Variants in LRRC8B observed in about 807,000 individuals in gnomAD.
The protein encoded by LRRC8B is leucine rich repeat containing 8 VRAC subunit B.
In LRRC8B, 23 loss-of-function variants were observed where a neutral mutation model predicts 58.8. The observed-to-expected ratio is 0.39, with a 90% confidence interval of 0.28 to 0.55. The LOEUF is 0.55. LRRC8B is among the 20% of genes least tolerant of loss of function. LRRC8B has a pLI of 0.62. For synonymous variants in LRRC8B, 359 were observed against 374.1 expected, an observed-to-expected ratio of 0.96 and a Z score of 0.47; for missense variants, 694 against 936.0, an observed-to-expected ratio of 0.74 and a Z score of 3.37.
intron 5 of LRRC8B, among the ~76,000 whole-genome samples, chr1:89,590,987 A>G (rs1023564829): frequency 6.6e-6 from 1 of 152,182 alleles, no homozygotes; most frequent in Non-Finnish European, 1.5e-5. Context: ...GCTGCTAAAC[A>G]TCCTACACTG....
chr1:89,535,948 G>A (rs1296924438), intron 1 of LRRC8B, among the ~76,000 whole-genome samples: 1 of 152,106 alleles, frequency 6.6e-6, no homozygotes, highest in East Asian at 1.9e-4. Context: ...ACAGTTTGGA[G>A]TTGGGCCTGG....
At position 89,565,255 on chromosome 1, in the gene LRRC8B, A is replaced by G. The variant is rs894237530; in HGVS notation, c.-240-2992A>G. 3.9e-5 allele frequency among the ~76,000 whole-genome samples: 6 copies of G among 152,300 alleles called. No individual in the cohort carries two copies. In the South Asian group the frequency reaches 6.2e-4, roughly 16 times the overall value. On this transcript the variant is annotated intron_variant, in intron 1 of 5. Coordinates refer to ENST00000330947, the MANE Select transcript of LRRC8B (RefSeq NM_001369817.2). The stretch of plus-strand genomic sequence containing the variant: ...TTGGTACCAGTATAGTTCTTGTTGC[A>G]TTATACTAAGGTTAACTTGTGGAAA...
rs200476384 is a variant in LRRC8B at position 89,583,056 on chromosome 1, A to G, written c.406A>G (p.Ser136Gly). ...GCACACGCTCATCTTTGCAGCCTGC[A>G]GCAACTTTTGGCTTCACTACCCCAG... ...LLHTLIFAAC[S>G]NFWLHYPSTS... The change falls in exon 5 of 6, where the codon AGC becomes GGC. Residue 136 changes from serine (S) to glycine (G), a missense_variant. Physicochemically the swap from Ser to Gly is moderately conservative, Grantham distance 56 (BLOSUM62 0). Transcript: ENST00000330947. This position sits in a 1 kb window ranked among gnomAD's most constrained non-coding sequence, Gnocchi z 5.2. 6.8e-6 allele frequency: 11 copies of G among 1,614,054 alleles called. No individual in the cohort carries two copies. Among genetic ancestry groups the G allele is most frequent in the South Asian group, 2.2e-5 (2 of 91,086 alleles).
chr1:89,533,033 C>T (rs962729534), intron 1 of LRRC8B, among the ~76,000 whole-genome samples: 14 of 152,152 alleles, frequency 9.2e-5, no homozygotes, highest in African/African-American at 3.4e-4. Context: ...CTATCAGTGC[C>T]CTTCCTCTAC....
At position 89,583,036 on chromosome 1, in the gene LRRC8B, C is replaced by T. The variant is rs756518618; in HGVS notation, c.386C>T (p.Thr129Met). Residue 129 changes from threonine (T) to methionine (M), a missense_variant, in exon 5 of 6, where the codon ACG becomes ATG. Physicochemically the swap from Thr to Met is moderately conservative, Grantham distance 81. Transcript: ENST00000330947. The surrounding 1 kb of genome is among the most constrained non-coding windows in gnomAD (Gnocchi z 5.2). ...KFFPYLVLLH[T>M]LIFAACSNFW... ...TTCCCCTATCTGGTGCTCTTGCACA[C>T]GCTCATCTTTGCAGCCTGCAGCAAC... 3.7e-6 allele frequency: 6 copies of T among 1,614,182 alleles called. No individual in the cohort carries two copies. The highest frequency in any genetic ancestry group is 1.1e-5 in the South Asian group (1 of 91,072).
At chr1:89,539,251 A>G (rs1650771162) in intron 1 of LRRC8B, among the ~76,000 whole-genome samples, 2 of 151,704 alleles carry the variant, frequency 1.3e-5, no homozygotes, top group African/African-American at 2.4e-5. Context: ...TTTCCCCCAT[A>G]TTGCCCTCTC....
In LRRC8B at chr1:89,597,644, G is replaced by T. The variant is rs1010609974; in HGVS notation, c.*4601G>T. The T allele has an allele frequency of 4.6e-5, 7 of 152,080 alleles. No individual in the cohort carries two copies. The highest frequency in any genetic ancestry group is 1.7e-4 in the African/African-American group (7 of 41,410). The allele number at this position is 152,080 out of a possible 1,614,324, so 9.4% of individuals were successfully genotyped here. On this transcript the variant is annotated 3_prime_UTR_variant, in exon 6 of 6. Coordinates refer to ENST00000330947, the MANE Select transcript of LRRC8B (RefSeq NM_001369817.2). Reference sequence around the variant, plus strand: ...TTCACATATTTATCTGTGTACAATTGTTTTTGCTTCTGGTAATGAATTATT... The same window carrying T: ...TTCACATATTTATCTGTGTACAATTTTTTTTGCTTCTGGTAATGAATTATT...
intron 1 of LRRC8B, among the ~76,000 whole-genome samples, chr1:89,559,899 A>C (rs1377276641): frequency 1.3e-5 from 2 of 152,166 alleles, no homozygotes; most frequent in Non-Finnish European, 2.9e-5. Context: ...TCCTTTTCTA[A>C]GGAAACCTAC....
chr1:89,590,376 G>A (rs942847645), intron 5 of LRRC8B, among the ~76,000 whole-genome samples: 2 of 152,180 alleles, frequency 1.3e-5, no homozygotes, highest in Admixed American at 6.5e-5. Context: ...AACTCCCCAG[G>A]CTCCTTTAGA....
chr1:89,595,721 G>A lies in LRRC8B; in HGVS notation c.*2678G>A, dbSNP rs551267135. 6.6e-6 allele frequency: 1 copy of A among 152,170 alleles called. No homozygotes were observed. Among genetic ancestry groups the A allele is most frequent in the South Asian group, 2.1e-4 (1 of 4,830 alleles). 9.4% of individuals were successfully genotyped at this position (152,170 alleles called of 1,614,324 possible). ...TGAGACAAGGTAGCCCTGATGCAAGGAAAAATGAGGCTACTACTTCACATA... is the reference window on the plus strand; with the variant it reads ...TGAGACAAGGTAGCCCTGATGCAAGAAAAAATGAGGCTACTACTTCACATA... On this transcript the variant is annotated 3_prime_UTR_variant, in exon 6 of 6. Coordinates refer to ENST00000330947, the MANE Select transcript of LRRC8B (RefSeq NM_001369817.2).
chr1:89,580,560 G>C (rs187573655), intron 4 of LRRC8B, among the ~76,000 whole-genome samples: 1 of 152,230 alleles, frequency 6.6e-6, no homozygotes, highest in East Asian at 1.9e-4. Context: ...CTAAGCCCAG[G>C]ACTTTCTCTT....
rs370769063 is a variant in LRRC8B at position 89,583,311 on chromosome 1, C to T, written c.661C>T (p.Pro221Ser). Reference protein sequence around the residue: ...PGLESAGIESPTSSVLDKKEG... With the variant: ...PGLESAGIESSTSSVLDKKEG... Reference sequence around the variant, plus strand: ...TTTGGAGTCAGCTGGCATAGAAAGCCCAACTTCCAGTGTCCTGGACAAGAA... The same window carrying T: ...TTTGGAGTCAGCTGGCATAGAAAGCTCAACTTCCAGTGTCCTGGACAAGAA... Residue 221 changes from proline (P) to serine (S), a missense_variant, in exon 5 of 6, where the codon CCA becomes TCA. This residue lies in a region of LRRC8B where 316 missense variants were observed against 403.8 expected (regional missense o/e 0.78). Transcript: ENST00000330947. The surrounding 1 kb of genome is among the most constrained non-coding windows in gnomAD (Gnocchi z 5.2). 198 of 1,614,004 alleles carry T rather than the reference C, an allele frequency of 1.2e-4. No individual in the cohort carries two copies. Among genetic ancestry groups the T allele is most frequent in the Non-Finnish European group, 1.6e-4 (193 of 1,180,030 alleles).
rs1650375892 is a variant in LRRC8B, at chr1:89,534,493, A to T, written c.-241+9471A>T. On this transcript the variant is annotated intron_variant, in intron 1 of 5. Transcript: ENST00000330947. The stretch of plus-strand genomic sequence containing the variant: ...ACACTGTTATGATTGAAAGTTTTTC[A>T]TTATCATGTCTTTTGTGACATACAC... 2.6e-5 allele frequency among the ~76,000 whole-genome samples: 4 copies of T among 150,996 alleles called. No individual in the cohort carries two copies. The South Asian group carries it at 8.4e-4, about 32-fold the overall frequency.
intron 1 of LRRC8B, among the ~76,000 whole-genome samples, chr1:89,558,366 CCCCAACCCT>C (rs1652347386): frequency 6.6e-6 from 1 of 152,156 alleles, no homozygotes; most frequent in Non-Finnish European, 1.5e-5. Flanking sequence ...TGGCAAGCCT[CCCCAACCCT>C]CCCTGAGACA....
At chr1:89,542,794 G>A (rs1013723048) in intron 1 of LRRC8B, among the ~76,000 whole-genome samples, 3 of 152,056 alleles carry the variant, frequency 2.0e-5, no homozygotes, top group African/African-American at 4.8e-5. Flanking sequence ...ATGAGTATTG[G>A]CATCCATTAT....
chr1:89,537,116 T>C (rs1650592758), intron 1 of LRRC8B, among the ~76,000 whole-genome samples: 1 of 152,166 alleles, frequency 6.6e-6, no homozygotes, highest in Admixed American at 6.5e-5. Context: ...TATCACAAAG[T>C]CATTTATTGC....
intron 1 of LRRC8B, among the ~76,000 whole-genome samples, chr1:89,546,206 G>A (rs1651393931): frequency 6.6e-6 from 1 of 152,208 alleles, no homozygotes; most frequent in African/African-American, 2.4e-5. Flanking sequence ...TGGTGGGGGA[G>A]GATTTGTGAA....
chr1:89,563,438 A>G (rs897041807), intron 1 of LRRC8B, among the ~76,000 whole-genome samples: 3 of 152,194 alleles, frequency 2.0e-5, no homozygotes, highest in Non-Finnish European at 4.4e-5. Context: ...CATTGCATCA[A>G]GGTATATTAA....
intron 1 of LRRC8B, among the ~76,000 whole-genome samples, chr1:89,528,801 A>C (rs928001633): frequency 1.3e-5 from 2 of 152,194 alleles, no homozygotes; most frequent in Non-Finnish European, 2.9e-5. Flanking sequence ...CCCAAGTTCC[A>C]AGTAGCAGAA....
Sources: gnomAD v4.1 joint callset for allele counts (sites outside exome capture counted in the v4.1 genomes callset) on GRCh38, gnomAD v4.1.1 for gene constraint, gnomAD v4.1.1 regional missense constraint, Gnocchi (gnomAD v3.1) non-coding constraint, MANE v1.5 for transcripts, NCBI Gene and HGNC (gene_info 2026-07-23, HGNC 2026-07-21) for gene names.